ITGA9: variants seen among roughly 807,000 people sequenced by gnomAD.
ITGA9 encodes the protein integrin alpha-9.
A neutral mutation model predicts 127.8 loss-of-function variants in ITGA9; 56 were observed. The ratio of observed to expected loss-of-function variants is 0.44; its 90% confidence interval spans 0.35 to 0.55. The LOEUF (loss-of-function observed/expected upper bound fraction) is 0.55. Ranked by LOEUF, ITGA9 falls within the 20% of genes least tolerant of loss-of-function variation. ITGA9 has a pLI of 0.00. For missense variants in ITGA9, 1,196 were observed against 1,347.1 expected, an observed-to-expected ratio of 0.89 and a Z score of 1.76; for synonymous variants, 508 against 514.5, an observed-to-expected ratio of 0.99 and a Z score of 0.17.
intron 16 of ITGA9, among the ~76,000 whole-genome samples, chr3:37,647,633 C>T (rs903433226): frequency 1.3e-5 from 2 of 152,054 alleles, no homozygotes; most frequent in South Asian, 2.1e-4. Context: ...CTACTCCCTA[C>T]CCCCTCCCCG....
At chr3:37,512,129 CTTTTCTT>C (rs1553643224) in intron 8 of ITGA9, among the ~76,000 whole-genome samples, 6 of 10,522 alleles carry the variant, frequency 5.7e-4, no homozygotes, top group African/African-American at 1.9e-3. Context: ...TCTTTCTTTT[CTTTTCTT>C]TTCTTTTCTT....
intron 15 of ITGA9, among the ~76,000 whole-genome samples, chr3:37,596,263 GAAAAGA>G (rs1699869286): frequency 6.6e-6 from 1 of 151,924 alleles, no homozygotes; most frequent in Non-Finnish European, 1.5e-5. Flanking sequence ...ATTAGGACTT[GAAAAGA>G]GAAAGGCTAC....
chr3:37,760,286 C>T (rs943311151), intron 23 of ITGA9, among the ~76,000 whole-genome samples: 1 of 146,146 alleles, frequency 6.8e-6, no homozygotes, highest in African/African-American at 2.5e-5. Context: ...AAAAAAAAAG[C>T]AAAACACCTG....
At chr3:37,653,198 G>T (rs1277045366) in intron 16 of ITGA9, among the ~76,000 whole-genome samples, 1 of 152,210 alleles carries the variant, frequency 6.6e-6, no homozygotes. Flanking sequence ...TCAGCCTGAT[G>T]GCCTAATTGC....
At chr3:37,574,606 C>T (rs1186791259) in intron 15 of ITGA9, among the ~76,000 whole-genome samples, 1 of 152,262 alleles carries the variant, frequency 6.6e-6, no homozygotes. Flanking sequence ...TTTTCCTAAA[C>T]TTCCTGCATT....
At chr3:37,796,529 G>A (rs918630052) in intron 26 of ITGA9, among the ~76,000 whole-genome samples, 6 of 152,004 alleles carry the variant, frequency 3.9e-5, no homozygotes, top group Non-Finnish European at 8.8e-5. Flanking sequence ...ACGGACAGAC[G>A]GATGGACAGA....
intron 17 of ITGA9, among the ~76,000 whole-genome samples, chr3:37,665,905 G>A (rs1389724510): frequency 3.3e-5 from 5 of 152,168 alleles, no homozygotes; most frequent in Admixed American, 2.6e-4. Context: ...GCAGTGTAAG[G>A]GACAGTCACA....
chr3:37,798,585 G>A (rs942811848), intron 26 of ITGA9, among the ~76,000 whole-genome samples: 11 of 152,194 alleles, frequency 7.2e-5, no homozygotes, highest in African/African-American at 2.7e-4. Context: ...GAGAAGCACT[G>A]GTGGAGGTCC....
At chr3:37,661,369 C>T (rs1297215357) in intron 17 of ITGA9, among the ~76,000 whole-genome samples, 1 of 152,212 alleles carries the variant, frequency 6.6e-6, no homozygotes, top group Non-Finnish European at 1.5e-5. Flanking sequence ...CTCAAAATAG[C>T]CTTTTGGCCG....
intron 16 of ITGA9, among the ~76,000 whole-genome samples, chr3:37,646,177 T>C (rs1242829874): frequency 6.6e-6 from 1 of 152,236 alleles, no homozygotes; most frequent in Admixed American, 6.5e-5. Flanking sequence ...CTGCCTGTTT[T>C]TGTAAATAAA....
intron 15 of ITGA9, among the ~76,000 whole-genome samples, chr3:37,552,176 T>C (rs1249909696): frequency 1.3e-5 from 2 of 151,372 alleles, no homozygotes; most frequent in Admixed American, 1.3e-4. Context: ...GTGCAGAGAA[T>C]TCCTGTTTTG....
chr3:37,669,877 A>G (rs1490721198), intron 17 of ITGA9, among the ~76,000 whole-genome samples: 1 of 152,120 alleles, frequency 6.6e-6, no homozygotes, highest in Non-Finnish European at 1.5e-5. Flanking sequence ...CTTGAGAGAA[A>G]TGGCTTTCAT....
chr3:37,573,143 G>A (rs1252027271), intron 15 of ITGA9: 1 of 151,990 alleles, frequency 6.6e-6, no homozygotes, highest in Non-Finnish European at 1.5e-5. Context: ...TTTTTGTGGA[G>A]GAATAGGGGA....
chr3:37,791,325 G>C lies in ITGA9; in HGVS notation c.2889+6247G>C, dbSNP rs551813931. Among the ~76,000 whole-genome samples, 4 of 151,790 alleles carry C rather than the reference G, an allele frequency of 2.6e-5. No individual in the cohort carries two copies. In the South Asian group the frequency reaches 6.2e-4, roughly 24 times the overall value. On this transcript the variant is annotated intron_variant, in intron 26 of 27. Coordinates refer to ENST00000264741, the MANE Select transcript of ITGA9 (RefSeq NM_002207.3). ...AAACTTGTAAGTCCACAGATGAGTC[G>C]GTAAGCTGCTGCCATATGGAGCATG...
In ITGA9 at chr3:37,481,531, C is replaced by A; in HGVS notation, c.468C>A (p.Ile156=). The change falls in exon 4 of 28, where the codon ATC becomes ATA. Residue 156 remains isoleucine (I), a synonymous_variant. Coordinates refer to ENST00000264741, the MANE Select transcript of ITGA9 (RefSeq NM_002207.3). ...ACATCTACTATGAAGCCGACCACAT[C>A]CTACCCCATGGCTTCTGCTACATCA... The part of the protein sequence containing the change: ...WKNIYYEADH[I]LPHGFCYIIP... 1 of 1,614,150 alleles carries A rather than the reference C, an allele frequency of 6.2e-7. No homozygotes were observed. The highest frequency in any genetic ancestry group is 8.5e-7 in the Non-Finnish European group (1 of 1,179,990).
intron 15 of ITGA9, among the ~76,000 whole-genome samples, chr3:37,542,792 G>C (rs1428367071): frequency 6.6e-6 from 1 of 152,066 alleles, no homozygotes; most frequent in East Asian, 1.9e-4. Flanking sequence ...CAGCCTTTAA[G>C]GGGGGTCGTG....
chr3:37,629,606 GC>G lies in ITGA9; in HGVS notation c.1839+272del, dbSNP rs1299046932. ...TCCCCTCGAGTTCGTGAACTGGCTG[GC>G]CACTTGGTCCCTGAACTTGCCTCTG... On this transcript the variant is annotated intron_variant, in intron 16 of 27. Coordinates refer to ENST00000264741, the MANE Select transcript of ITGA9 (RefSeq NM_002207.3). This position sits in a 1 kb window ranked among gnomAD's most constrained non-coding sequence, Gnocchi z 4.5. The G allele has an allele frequency of 8.2e-6, 5 of 608,142 alleles. No homozygotes were observed. The highest frequency in any genetic ancestry group is 8.7e-6 in the Non-Finnish European group (3 of 342,956). 37.7% of individuals were successfully genotyped at this position (608,142 alleles called of 1,614,324 possible).
intron 15 of ITGA9, among the ~76,000 whole-genome samples, chr3:37,600,800 C>A (rs1280671542): frequency 6.6e-6 from 1 of 152,188 alleles, no homozygotes; most frequent in Non-Finnish European, 1.5e-5. Context: ...GTATGCACCC[C>A]TTCCTAGGAG....
intron 14 of ITGA9, among the ~76,000 whole-genome samples, chr3:37,537,626 A>T (rs947077785): frequency 6.6e-6 from 1 of 152,190 alleles, no homozygotes; most frequent in African/African-American, 2.4e-5. Flanking sequence ...AGTGAGCAGG[A>T]CAGGCAAAGT....
Sources: gnomAD v4.1 joint callset for allele counts (sites outside exome capture counted in the v4.1 genomes callset) on GRCh38, gnomAD v4.1.1 for gene constraint, Gnocchi (gnomAD v3.1) non-coding constraint, MANE v1.5 for transcripts, NCBI Gene and HGNC (gene_info 2026-07-23, HGNC 2026-07-21) for gene names.